NHS: variants seen among roughly 807,000 people sequenced by gnomAD.
NHS encodes the protein NHS actin remodeling regulator, also known as actin remodeling regulator NHS.
A neutral mutation model predicts 72.5 loss-of-function variants in NHS; 5 were observed. The ratio of observed to expected loss-of-function variants is 0.07; its 90% confidence interval spans 0.04 to 0.14. NHS has a LOEUF of 0.14. Among genes scored for constraint, NHS ranks in the 10% least tolerant of loss-of-function variants. The pLI, the probability that NHS is intolerant of heterozygous loss-of-function variation, is 1.00. For synonymous variants in NHS, 464 were observed against 547.7 expected, an observed-to-expected ratio of 0.85 and a Z score of 2.13; for missense variants, 1,072 against 1,355.7, an observed-to-expected ratio of 0.79 and a Z score of 3.29.
At chrX:17,581,963 A>T (rs1355619176) in intron 1 of NHS, among the ~76,000 whole-genome samples, 1 of 111,840 alleles carries the variant, frequency 8.9e-6, no homozygotes, top group Non-Finnish European at 1.9e-5. Flanking sequence ...AGAGTGAGAA[A>T]GTTGTGCCAT....
intron 1 of NHS, among the ~76,000 whole-genome samples, chrX:17,476,144 A>G (rs984031437): frequency 8.9e-6 from 1 of 111,943 alleles, no homozygotes; most frequent in African/African-American, 3.3e-5. Flanking sequence ...TGCTTGGATT[A>G]GCTGGGTTAG....
intron 1 of NHS, chrX:17,557,326 G>GATATATATATATATATAT (rs61711287): frequency 1.6e-4 from 15 of 96,091 alleles, no homozygotes; most frequent in African/African-American, 5.9e-4. Flanking sequence ...GAGATTCTGT[G>GATATATATATATATATAT]ATATATATAT....
At chrX:17,653,193 C>T (rs1275569640) in intron 1 of NHS, among the ~76,000 whole-genome samples, 2 of 112,116 alleles carry the variant, frequency 1.8e-5, no homozygotes, top group African/African-American at 6.5e-5. Context: ...TTATTACGTG[C>T]TGGGCACTAT....
At chrX:17,538,437 G>C (rs757408765) in intron 1 of NHS, among the ~76,000 whole-genome samples, 2 of 111,659 alleles carry the variant, frequency 1.8e-5, no homozygotes, top group African/African-American at 3.3e-5. Flanking sequence ...TCCCAGCGTG[G>C]GCAATTGGGG....
intron 2 of NHS, among the ~76,000 whole-genome samples, chrX:17,689,684 AT>A (rs1047823167): frequency 8.9e-5 from 10 of 112,288 alleles, no homozygotes; most frequent in Non-Finnish European, 3.8e-5. Flanking sequence ...CTCAATGAAC[AT>A]TTGTGGAACT....
intron 1 of NHS, 115 bp downstream of exon 1, chrX:17,376,437 CT>C: frequency 1.5e-6 from 1 of 664,568 alleles, no homozygotes; most frequent in Non-Finnish European, 2.3e-6. Context: ...CAGCTTGCAC[CT>C]TACTACTCTC....
intron 1 of NHS, among the ~76,000 whole-genome samples, chrX:17,534,374 C>T (rs2065213424): frequency 9.0e-6 from 1 of 110,927 alleles, no homozygotes; most frequent in Non-Finnish European, 1.9e-5. Flanking sequence ...TGTTTTTCTT[C>T]CCCCAGGCCT....
intron 1 of NHS, among the ~76,000 whole-genome samples, chrX:17,379,246 A>C (rs917774536): frequency 2.7e-5 from 3 of 109,280 alleles, no homozygotes; most frequent in African/African-American, 1.0e-4. Flanking sequence ...ACTTTGGAAG[A>C]GTCACTCTGG....
intron 1 of NHS, among the ~76,000 whole-genome samples, chrX:17,415,620 G>T (rs2146862042): frequency 8.9e-6 from 1 of 111,963 alleles, no homozygotes; most frequent in African/African-American, 3.2e-5. Context: ...GAAACATGCT[G>T]GGGGAAAGTA....
chrX:17,468,034 T>G (rs1420050290), intron 1 of NHS, among the ~76,000 whole-genome samples: 1 of 111,298 alleles, frequency 9.0e-6, no homozygotes, highest in Non-Finnish European at 1.9e-5. Flanking sequence ...GATTTGGGAA[T>G]GGGCTGTCTC....
intron 1 of NHS, among the ~76,000 whole-genome samples, chrX:17,432,748 T>G (rs911466787): frequency 2.7e-5 from 3 of 111,544 alleles, no homozygotes; most frequent in African/African-American, 9.8e-5. Context: ...TAGGTGTTTT[T>G]TTTTTTTAAT....
intron 1 of NHS, among the ~76,000 whole-genome samples, chrX:17,537,646 G>GT (rs1304913757): frequency 8.9e-6 from 1 of 112,360 alleles, no homozygotes; most frequent in Non-Finnish European, 1.9e-5. Flanking sequence ...AGTAGGAAAT[G>GT]TGGTGTCTGG....
intron 1 of NHS, among the ~76,000 whole-genome samples, chrX:17,598,986 G>A (rs58087547): frequency 0.026 from 2,941 of 111,537 alleles, 86 homozygotes; most frequent in Admixed American, 0.075. Flanking sequence ...TTTTGAACTT[G>A]TATAAGTGGA....
chrX:17,645,725 A>G (rs1282307707), intron 1 of NHS, among the ~76,000 whole-genome samples: 1 of 112,074 alleles, frequency 8.9e-6, no homozygotes, highest in Non-Finnish European at 1.9e-5. Flanking sequence ...CTGTGATCCC[A>G]AAACTGTTCC....
At chrX:17,646,818 T>A (rs1221314055) in intron 1 of NHS, among the ~76,000 whole-genome samples, 1 of 112,231 alleles carries the variant, frequency 8.9e-6, no homozygotes, top group African/African-American at 3.2e-5. Context: ...TTGTTTAGGG[T>A]ACAGACCAAT....
chrX:17,554,083 G>C (rs1319553498), intron 1 of NHS, among the ~76,000 whole-genome samples: 2 of 112,432 alleles, frequency 1.8e-5, no homozygotes, highest in Non-Finnish European at 3.8e-5. Context: ...GAAGAGCTAA[G>C]GAGCTAAGGA....
chrX:17,699,262 A>G (rs187645861), intron 3 of NHS, among the ~76,000 whole-genome samples: 208 of 111,954 alleles, frequency 1.9e-3, no homozygotes, highest in African/African-American at 5.7e-3. Flanking sequence ...TAGCCAGGAA[A>G]ACACTGAAAA....
At chrX:17,476,603 G>A (rs1464959299) in intron 1 of NHS, among the ~76,000 whole-genome samples, 1 of 111,095 alleles carries the variant, frequency 9.0e-6, no homozygotes, top group Non-Finnish European at 1.9e-5. Flanking sequence ...TGTGTGTGGG[G>A]GTAACACTAC....
At chrX:17,561,562 G>A (rs1359476724) in intron 1 of NHS, among the ~76,000 whole-genome samples, 3 of 64,327 alleles carry the variant, frequency 4.7e-5, no homozygotes, top group African/African-American at 1.9e-4. Flanking sequence ...GTGCATGCGC[G>A]CGCGCGCGCG....
Sources: allele counts gnomAD v4.1 joint callset (sites outside exome capture counted in the v4.1 genomes callset), GRCh38; gene constraint gnomAD v4.1.1; transcripts MANE v1.5; gene names NCBI Gene and HGNC (gene_info 2026-07-23, HGNC 2026-07-21).